Variants in MYH15 observed in about 807,000 individuals in gnomAD.
The protein encoded by MYH15 is myosin-15.
MYH15 carries 227 observed loss-of-function variants against 240.5 expected under a neutral mutation model. The observed-to-expected ratio is 0.94, with a 90% CI of 0.85 to 1.05. MYH15 has a LOEUF of 1.05. MYH15 is among the 50% of genes least tolerant of loss of function. The pLI, the probability that MYH15 is intolerant of heterozygous loss-of-function variation, is 0.00. For missense variants in MYH15, 2,217 were observed against 2,247.5 expected (o/e 0.99, Z 0.27); for synonymous variants, 785 against 796.7 (o/e 0.99, Z 0.25).
intron 9 of MYH15, among the ~76,000 whole-genome samples, chr3:108,487,276 T>G (rs1254077791): frequency 6.6e-6 from 1 of 152,178 alleles, no homozygotes; most frequent in Non-Finnish European, 1.5e-5. Context: ...TATTTATTGC[T>G]CAATAAAGTG....
chr3:108,510,278 G>A (rs1198518880), intron 1 of MYH15, among the ~76,000 whole-genome samples, 165 bp downstream of exon 1: 1 of 152,096 alleles, frequency 6.6e-6, no homozygotes, highest in African/African-American at 2.4e-5. Context: ...TTCCTACCCT[G>A]GATACTCAGA....
intron 11 of MYH15, among the ~76,000 whole-genome samples, chr3:108,479,223 GA>G (rs1361175886): frequency 3.9e-5 from 6 of 152,164 alleles, no homozygotes; most frequent in Non-Finnish European, 7.4e-5. Flanking sequence ...TAGGCTTTAT[GA>G]AATTCCCACC....
chr3:108,537,746 C>T, the MYH15 span, among the ~76,000 whole-genome samples: 1 of 152,102 alleles, frequency 6.6e-6, no homozygotes, highest in Non-Finnish European at 1.5e-5. Context: ...AAATACTGGG[C>T]TACAAAGTTA....
chr3:108,524,096 A>G lies in MYH15; in HGVS notation c.-58+5167T>C, dbSNP rs935001997. Among the ~76,000 whole-genome samples the G allele has an allele frequency of 2.0e-5, 3 of 152,004 alleles. No individual in the cohort carries two copies. In the East Asian group the frequency reaches 5.8e-4, roughly 29 times the overall value. ...GTGGGAATGTTAAGTCAAAGAAAATACACATTTAAAATTCTAATAGATATT... is the reference window on the plus strand; with the variant it reads ...GTGGGAATGTTAAGTCAAAGAAAATGCACATTTAAAATTCTAATAGATATT... On this transcript the variant is annotated intron_variant, in intron 1 of 41. Transcript: ENST00000273353.
intron 25 of MYH15, among the ~76,000 whole-genome samples, chr3:108,436,353 G>A (rs12634426): frequency 0.087 from 13,285 of 152,088 alleles, 1,327 homozygotes; most frequent in East Asian, 0.53. Context: ...TCATAAGGTC[G>A]CTTGTTTCAT....
intron 28 of MYH15, among the ~76,000 whole-genome samples, chr3:108,420,044 C>T (rs975163842): frequency 1.3e-5 from 2 of 151,084 alleles, no homozygotes; most frequent in South Asian, 2.1e-4. Context: ...TATAAATGAC[C>T]GAGTATGCAA....
chr3:108,430,896 T>C lies in MYH15; in HGVS notation c.3248A>G (p.Asn1083Ser). ...RKKELELSQMNSKVENEKGLV... is the reference protein window; with the variant it reads ...RKKELELSQMSSKVENEKGLV... ...GCCTTTCTCATTCTCCACTTTTGAA[T>C]TCATCTGACTCAATTCTAATTCTTT... Residue 1083 changes from asparagine (N) to serine (S), a missense_variant, in exon 26 of 41, where the codon AAT becomes AGT. By Grantham distance (46) the Asn-to-Ser change is conservative. Coordinates refer to ENST00000693548, the MANE Select transcript of MYH15 (RefSeq NM_014981.3). The C allele has an allele frequency of 1.2e-6, 2 of 1,611,638 alleles. No individual in the cohort carries two copies. Among genetic ancestry groups the C allele is most frequent in the Non-Finnish European group, 8.5e-7 (1 of 1,179,016 alleles).
chr3:108,537,875 T>C, the MYH15 span, among the ~76,000 whole-genome samples: 2 of 152,092 alleles, frequency 1.3e-5, no homozygotes, highest in African/African-American at 4.8e-5. Context: ...TGGGATAAAA[T>C]ATGCATAATT....
At chr3:108,431,574 T>G (rs941837415) in intron 25 of MYH15, among the ~76,000 whole-genome samples, 2 of 152,204 alleles carry the variant, frequency 1.3e-5, no homozygotes, top group African/African-American at 4.8e-5. Context: ...AAACCCTTTT[T>G]CCTGTATAAA....
At chr3:108,517,976 C>T (rs1421926429) in intron 1 of MYH15, among the ~76,000 whole-genome samples, 8 of 152,164 alleles carry the variant, frequency 5.3e-5, no homozygotes, top group African/African-American at 1.4e-4. Flanking sequence ...AGGCATAACG[C>T]TCTCATCTAC....
chr3:108,529,392 C>A, upstream of MYH15: 1 of 731,508 alleles, frequency 1.4e-6, no homozygotes, highest in South Asian at 1.8e-5. Context: ...CATGGGAAAT[C>A]TGTGAATAAA....
intron 33 of MYH15, among the ~76,000 whole-genome samples, chr3:108,401,299 T>A (rs967938762): frequency 2.0e-5 from 3 of 152,080 alleles, no homozygotes; most frequent in African/African-American, 7.2e-5. Flanking sequence ...CTAGTTAGCA[T>A]CCTTATAAGA....
At chr3:108,405,540 G>C (rs925922114) in intron 32 of MYH15, 87 bp from the exon 33 acceptor site, 3 of 777,204 alleles carry the variant, frequency 3.9e-6, no homozygotes, top group Admixed American at 6.0e-5. Flanking sequence ...CGCTAATGTA[G>C]CTCTCTTAGA....
intron 27 of MYH15, among the ~76,000 whole-genome samples, chr3:108,424,250 T>C (rs1947541): frequency 0.81 from 123,534 of 152,230 alleles, 50,664 homozygotes; most frequent in Non-Finnish European, 0.87. Flanking sequence ...CTTGGACAGA[T>C]AGAAAAGGCA....
chr3:108,539,986 A>T, the MYH15 span, among the ~76,000 whole-genome samples: 1 of 152,332 alleles, frequency 6.6e-6, no homozygotes, highest in African/African-American at 2.4e-5. Context: ...AAGACTGCCC[A>T]CATGAGCACA....
chr3:108,389,129 T>C lies in MYH15; in HGVS notation c.5431-55A>G, dbSNP rs191325624. The C allele has an allele frequency of 2.9e-5, 43 of 1,479,466 alleles. No individual in the cohort carries two copies. In the African/African-American group the frequency reaches 5.7e-4, roughly 20 times the overall value. 91.6% of individuals were successfully genotyped at this position (1,479,466 alleles called of 1,614,324 possible). On this transcript the variant is annotated intron_variant, in intron 37 of 40. Coordinates refer to ENST00000693548, the MANE Select transcript of MYH15 (RefSeq NM_014981.3). ...CGCTGCCACCAAGTCTGGCATTCTA[T>C]TTGCTGATTGGCACAATCATTTGAA... is the stretch of plus-strand genomic sequence containing the variant.
At position 108,380,522 on chromosome 3, in the gene MYH15, A is replaced by C. The variant is rs2082334474; in HGVS notation, c.*1023T>G. On this transcript the variant is annotated 3_prime_UTR_variant, in exon 41 of 41. Transcript: ENST00000693548. Reference sequence around the variant, plus strand: ...GCAGCAAGGATGAAGGGAAGTCCATAAGAACAAACAGAACCCATGTCTGTC... The same window carrying C: ...GCAGCAAGGATGAAGGGAAGTCCATCAGAACAAACAGAACCCATGTCTGTC... The C allele has an allele frequency of 6.6e-6, 1 of 152,326 alleles. No individual in the cohort carries two copies. The allele number at this position is 152,326 out of a possible 1,614,324, so 9.4% of individuals were successfully genotyped here. A position where few individuals can be genotyped will look rare whatever the true frequency, so the allele number is the denominator to read the frequency against.
At chr3:108,531,508 A>C (rs1483751953), upstream of MYH15, among the ~76,000 whole-genome samples, 1 of 152,174 alleles carries the variant, frequency 6.6e-6, no homozygotes, top group Non-Finnish European at 1.5e-5. Context: ...TGCTGGAATA[A>C]CATAGGTAAG....
At chr3:108,525,664 C>A (rs1051595055) in intron 1 of MYH15, among the ~76,000 whole-genome samples, 1 of 152,064 alleles carries the variant, frequency 6.6e-6, no homozygotes, top group East Asian at 1.9e-4. Context: ...TGTTTAGATA[C>A]TCTCATGTCT....
Sources: gnomAD v4.1 joint callset for allele counts (sites outside exome capture counted in the v4.1 genomes callset) on GRCh38, gnomAD v4.1.1 for gene constraint, MANE v1.5 for transcripts, NCBI Gene and HGNC (gene_info 2026-07-23, HGNC 2026-07-21) for gene names.